Variants in DNAJC15 observed in about 807,000 individuals in gnomAD.
DNAJC15 encodes DnaJ heat shock protein family (Hsp40) member C15, also known as dnaJ homolog subfamily C member 15.
Under a neutral mutation model 22.4 loss-of-function variants are expected in DNAJC15, and 27 were observed. That is an observed-to-expected ratio of 1.20 (90% CI 0.89 to 1.66). The LOEUF is 1.66. DNAJC15 is among the 40% of genes most tolerant of loss of function. The pLI, the probability that DNAJC15 is intolerant of heterozygous loss-of-function variation, is 0.00. For synonymous variants in DNAJC15, 79 were observed against 63.2 expected (o/e 1.25, Z -1.19); for missense variants, 208 against 187.1 (o/e 1.11, Z -0.65).
At chr13:43,056,093 G>GT (rs1189221045) in intron 1 of DNAJC15, among the ~76,000 whole-genome samples, 2 of 151,588 alleles carry the variant, frequency 1.3e-5, no homozygotes, top group African/African-American at 2.4e-5. Context: ...TTCCACTGTG[G>GT]TCCGAGAGAG....
rs933439074 is a variant in DNAJC15 at position 43,032,881 on chromosome 13, G to T, written c.108+9147G>T. Reference sequence around the variant, plus strand: ...CTTATAAAGAAAAGAGGTTTAATTGGCTCACGATTCCATAGGCTGTACAGG... The same window carrying T: ...CTTATAAAGAAAAGAGGTTTAATTGTCTCACGATTCCATAGGCTGTACAGG... On this transcript the variant is annotated intron_variant, in intron 1 of 5. Coordinates refer to ENST00000379221, the MANE Select transcript of DNAJC15 (RefSeq NM_013238.3). 2.0e-5 allele frequency among the ~76,000 whole-genome samples: 3 copies of T among 152,042 alleles called. No homozygotes were observed. In the South Asian group the frequency reaches 6.2e-4, roughly 32 times the overall value.
chr13:43,109,476 C>T lies in DNAJC15; in HGVS notation c.*2228C>T, dbSNP rs967241669. 2.6e-5 allele frequency: 4 copies of T among 152,150 alleles called. No individual in the cohort carries two copies. The highest frequency in any genetic ancestry group is 5.9e-5 in the Non-Finnish European group (4 of 68,030). 9.4% of individuals were successfully genotyped at this position (152,150 alleles called of 1,614,324 possible). On this transcript the variant is annotated 3_prime_UTR_variant, in exon 6 of 6. Coordinates refer to ENST00000379221, the MANE Select transcript of DNAJC15 (RefSeq NM_013238.3). ...GAATATTGGGGCACCCTCAGATGCA[C>T]CTTTTAATTGATGTCATATTTTCCT...
rs566849318 is a variant in DNAJC15, at chr13:43,059,827, T to C, written c.109-5859T>C. Among the ~76,000 whole-genome samples, 15 of 152,288 alleles carry C rather than the reference T, an allele frequency of 9.8e-5. No individual in the cohort carries two copies. The South Asian group carries it at 1.0e-3, about 11-fold the overall frequency. ...TTCTTACAGGTTTTGGGATAGGCGGTGCAGTTAGGAGCAATGTTTCGCGGG... is the reference window on the plus strand; with the variant it reads ...TTCTTACAGGTTTTGGGATAGGCGGCGCAGTTAGGAGCAATGTTTCGCGGG... On this transcript the variant is annotated intron_variant, in intron 1 of 5. Transcript: ENST00000379221.
chr13:43,042,723 TTTC>T (rs150476800), intron 1 of DNAJC15, among the ~76,000 whole-genome samples: 2,271 of 152,332 alleles, frequency 0.015, 53 homozygotes, highest in African/African-American at 0.049. Flanking sequence ...TGAGGCAGTA[TTTC>T]TTCTTCTTCA....
At position 43,024,878 on chromosome 13, in the gene DNAJC15, A is replaced by G. The variant is rs1239657215; in HGVS notation, c.108+1144A>G. On this transcript the variant is annotated intron_variant, in intron 1 of 5. Coordinates refer to ENST00000379221, the MANE Select transcript of DNAJC15 (RefSeq NM_013238.3). ...TGGAGGACAGCCTGGGCAACACAGG[A>G]GACCCCATCTCTGCTAAAAAAAAAA... is the stretch of plus-strand genomic sequence containing the variant. 8.4e-5 allele frequency among the ~76,000 whole-genome samples: 12 copies of G among 143,688 alleles called. No individual in the cohort carries two copies. In the East Asian group the frequency reaches 2.2e-3, roughly 27 times the overall value. 94.3% of individuals were successfully genotyped at this position (143,688 alleles called of 152,430 possible). A position where few individuals can be genotyped will look rare whatever the true frequency, so the allele number is the denominator to read the frequency against.
intron 1 of DNAJC15, among the ~76,000 whole-genome samples, chr13:43,027,001 T>A (rs1431476338): frequency 6.6e-6 from 1 of 152,224 alleles, no homozygotes; most frequent in East Asian, 1.9e-4. Context: ...AAATAATTTT[T>A]AAAAATAGGC....
intron 3 of DNAJC15, among the ~76,000 whole-genome samples, 174 bp from the exon 4 acceptor site, chr13:43,078,438 A>G (rs1166106659): frequency 1.3e-5 from 2 of 152,162 alleles, no homozygotes; most frequent in African/African-American, 4.8e-5. Context: ...TTAAGACTTC[A>G]TATTGGTCAA....
chr13:43,105,909 T>C (rs1036071308), intron 5 of DNAJC15, among the ~76,000 whole-genome samples: 12 of 152,214 alleles, frequency 7.9e-5, no homozygotes, highest in African/African-American at 1.7e-4. Context: ...TTGTAACTCT[T>C]ATAGCATATT....
intron 5 of DNAJC15, among the ~76,000 whole-genome samples, chr13:43,094,864 A>T (rs1547134): frequency 0.22 from 33,526 of 152,084 alleles, 4,401 homozygotes; most frequent in Non-Finnish European, 0.3. Context: ...ACCAAGAATC[A>T]TCAAATAATC....
chr13:43,034,041 A>AAG (rs1043296597), intron 1 of DNAJC15, among the ~76,000 whole-genome samples: 2 of 151,586 alleles, frequency 1.3e-5, no homozygotes. Flanking sequence ...AAAAAAAAAA[A>AAG]AAAGAAAATG....
intron 5 of DNAJC15, among the ~76,000 whole-genome samples, chr13:43,093,915 A>G (rs1303127484): frequency 6.6e-6 from 1 of 152,234 alleles, no homozygotes; most frequent in African/African-American, 2.4e-5. Context: ...AAATACCCTG[A>G]TATAAATATC....
chr13:43,101,862 T>C (rs917213880), intron 5 of DNAJC15, among the ~76,000 whole-genome samples: 1 of 152,204 alleles, frequency 6.6e-6, no homozygotes, highest in Non-Finnish European at 1.5e-5. Flanking sequence ...GGTTCCATAT[T>C]TTTACAATTG....
At chr13:43,056,475 G>A (rs973480686) in intron 1 of DNAJC15, among the ~76,000 whole-genome samples, 4 of 152,156 alleles carry the variant, frequency 2.6e-5, no homozygotes, top group Admixed American at 2.0e-4. Flanking sequence ...AATGTTCTAT[G>A]ATGAATAGAA....
intron 1 of DNAJC15, among the ~76,000 whole-genome samples, chr13:43,055,286 A>G (rs1593316074): frequency 6.6e-6 from 1 of 152,140 alleles, no homozygotes; most frequent in East Asian, 1.9e-4. Flanking sequence ...CCTGGTCCCA[A>G]CTAAATCGTC....
At chr13:43,105,522 G>C (rs946812021) in intron 5 of DNAJC15, among the ~76,000 whole-genome samples, 1 of 152,258 alleles carries the variant, frequency 6.6e-6, no homozygotes, top group African/African-American at 2.4e-5. Flanking sequence ...GTGAGTGGTA[G>C]AGAATTCAAC....
intron 4 of DNAJC15, 180 bp downstream of exon 4, chr13:43,078,868 C>A (rs2040648359): frequency 1.0e-5 from 4 of 395,198 alleles, no homozygotes; most frequent in Admixed American, 4.1e-5. Flanking sequence ...CCTAAAAAAA[C>A]AAAACAAAAC....
chr13:43,055,327 C>A (rs951135595), intron 1 of DNAJC15, among the ~76,000 whole-genome samples: 1 of 152,134 alleles, frequency 6.6e-6, no homozygotes, highest in Non-Finnish European at 1.5e-5. Context: ...ATCCCCTCCT[C>A]ACTGGCACCA....
intron 1 of DNAJC15, among the ~76,000 whole-genome samples, chr13:43,037,962 CAT>C (rs1346030866): frequency 6.6e-6 from 1 of 152,182 alleles, no homozygotes; most frequent in Non-Finnish European, 1.5e-5. Context: ...CTGTACTTAA[CAT>C]GTGGTTGCTA....
intron 5 of DNAJC15, among the ~76,000 whole-genome samples, chr13:43,100,180 A>G (rs574083986): frequency 7.0e-6 from 1 of 143,260 alleles, no homozygotes; most frequent in East Asian, 2.0e-4. Flanking sequence ...CCATTGTCTT[A>G]GGTTGAAGGT....
Sources: allele counts gnomAD v4.1 joint callset (sites outside exome capture counted in the v4.1 genomes callset), GRCh38; gene constraint gnomAD v4.1.1; transcripts MANE v1.5; gene names NCBI Gene and HGNC (gene_info 2026-07-23, HGNC 2026-07-21).